B9D2: variants seen among roughly 807,000 people sequenced by gnomAD.
B9D2 encodes the protein B9 domain containing 2, also known as B9 domain-containing protein 2.
Under a neutral mutation model 19.2 loss-of-function variants are expected in B9D2, and 21 were observed. That is an observed-to-expected ratio of 1.09 (90% CI 0.78 to 1.58). The LOEUF (loss-of-function observed/expected upper bound fraction) is 1.58. Ranked by LOEUF, B9D2 falls within the 40% of genes most tolerant of loss-of-function variation. The pLI is 0.00. For missense variants in B9D2, 221 were observed against 244.3 expected, an observed-to-expected ratio of 0.90 and a Z score of 0.64; for synonymous variants, 91 against 100.6, an observed-to-expected ratio of 0.90 and a Z score of 0.57.
chr19:41,361,152 T>G (rs1326032392), intron 2 of B9D2: 2 of 152,158 alleles, frequency 1.3e-5, no homozygotes, highest in African/African-American at 4.8e-5. Flanking sequence ...GCCCAAGCCT[T>G]TCATCCAACT....
intron 2 of B9D2, among the ~76,000 whole-genome samples, chr19:41,362,078 CAA>C (rs940435937): frequency 0.037 from 1,713 of 45,968 alleles, 37 homozygotes; most frequent in African/African-American, 0.12. Context: ...GACTCTGTCT[CAA>C]AAAAAAAAAA....
At position 41,354,477 on chromosome 19, in the gene B9D2, C is replaced by A. The variant is rs1428585275; in HGVS notation, c.*223G>T. The A allele has an allele frequency of 1.4e-5, 9 of 642,454 alleles. No homozygotes were observed. The highest frequency in any genetic ancestry group is 2.5e-5 in the Non-Finnish European group (9 of 363,822). 39.8% of individuals were successfully genotyped at this position (642,454 alleles called of 1,614,324 possible). On this transcript the variant is annotated 3_prime_UTR_variant, in exon 4 of 4. Transcript: ENST00000243578. Reference sequence around the variant, plus strand: ...CATGTGGCTAAGCAGCCTCCTGTCACTCAACACCCTGCGACCCCATACATT... The same window carrying A: ...CATGTGGCTAAGCAGCCTCCTGTCAATCAACACCCTGCGACCCCATACATT...
At chr19:41,363,237 C>G (rs1442407471) in intron 2 of B9D2, among the ~76,000 whole-genome samples, 195 bp downstream of exon 2, 1 of 152,022 alleles carries the variant, frequency 6.6e-6, no homozygotes, top group African/African-American at 2.4e-5. Context: ...AGAGAGAGAC[C>G]CTGTCTGTAT....
rs529500666 is a variant in B9D2, at chr19:41,362,227, CA to C, written c.88+1204del. Among the ~76,000 whole-genome samples the C allele has an allele frequency of 7.3e-3, 912 of 125,338 alleles. 1 individual carries two copies. Among genetic ancestry groups the C allele is most frequent in the Middle Eastern group, 0.013 (3 of 234 alleles). The allele number at this position is 125,338 out of a possible 152,430, so 82.2% of individuals were successfully genotyped here. On this transcript the variant is annotated intron_variant, in intron 2 of 3. Coordinates refer to ENST00000243578, the MANE Select transcript of B9D2 (RefSeq NM_030578.4). ...TGAAACCCCATCTCTACTAAAAATA[CA>C]AAAAAAAAAAAAATAGCCGGGCATG...
chr19:41,362,435 T>A (rs749824472), intron 2 of B9D2, among the ~76,000 whole-genome samples: 53 of 144,020 alleles, frequency 3.7e-4, no homozygotes, highest in Non-Finnish European at 6.5e-4. Context: ...TAATGCCAAA[T>A]GGCCACATCT....
chr19:41,363,586 G>A (rs1250456374), intron 1 of B9D2, 63 bp from the exon 2 acceptor site: 23 of 1,459,986 alleles, frequency 1.6e-5, no homozygotes, highest in Non-Finnish European at 2.1e-5. Context: ...ATTTGACGGG[G>A]GGGAAACTGA....
chr19:41,363,339 G>C (rs1312133774), intron 2 of B9D2, 93 bp downstream of exon 2: 11 of 1,265,902 alleles, frequency 8.7e-6, no homozygotes, highest in Non-Finnish European at 1.1e-5. Flanking sequence ...ATGGAAATGA[G>C]GTTAAGAGTC....
chr19:41,354,722 T>TCGAAGTTG lies in B9D2; in HGVS notation c.498_505dup (p.Asp169AlafsTer46), dbSNP rs1422035669. 6.8e-6 allele frequency: 11 copies of TCGAAGTTG among 1,613,864 alleles called. No individual in the cohort carries two copies. Among genetic ancestry groups the TCGAAGTTG allele is most frequent in the Non-Finnish European group, 1.7e-6 (2 of 1,180,020 alleles). On this transcript the variant is annotated frameshift_variant, in exon 4 of 4. Coordinates refer to ENST00000243578, the MANE Select transcript of B9D2 (RefSeq NM_030578.4). LOFTEE classifies it high-confidence loss of function. ...CCCTCAGCACTCCACGCCGTAGCGGTCGAAGTTGCGGAGCAGCAGGCCGAT... is the reference window on the plus strand; with the variant it reads ...CCCTCAGCACTCCACGCCGTAGCGGTCGAAGTTGCGAAGTTGCGGAGCAGCAGGCCGAT...
At chr19:41,360,794 C>A (rs913213876) in intron 2 of B9D2, among the ~76,000 whole-genome samples, 1 of 152,272 alleles carries the variant, frequency 6.6e-6, no homozygotes, top group East Asian at 1.9e-4. Flanking sequence ...CAGGCATGAG[C>A]CACCGCGCCT....
intron 3 of B9D2, among the ~76,000 whole-genome samples, chr19:41,356,015 C>T (rs908507956): frequency 3.3e-5 from 5 of 151,964 alleles, no homozygotes; most frequent in African/African-American, 1.2e-4. Flanking sequence ...GGAGCCCAGA[C>T]GGAGTGTGCC....
chr19:41,358,241 A>G (rs962436645), intron 2 of B9D2, among the ~76,000 whole-genome samples: 8 of 152,122 alleles, frequency 5.3e-5, no homozygotes, highest in Non-Finnish European at 1.0e-4. Flanking sequence ...CCATCTATAA[A>G]ATGAGCTGAG....
chr19:41,363,811 C>T (rs992899881), intron 1 of B9D2, 147 bp downstream of exon 1: 1 of 544,294 alleles, frequency 1.8e-6, no homozygotes, highest in African/African-American at 1.9e-5. Context: ...GGGGCTATGG[C>T]TCCGCCCACG....
At chr19:41,357,491 C>A (rs1040383918) in intron 3 of B9D2, among the ~76,000 whole-genome samples, 22 of 152,188 alleles carry the variant, frequency 1.4e-4, no homozygotes, top group Non-Finnish European at 7.3e-5. Context: ...GCTCCTCCCC[C>A]AGTACTGATT....
At chr19:41,360,488 T>C (rs2038386749) in intron 2 of B9D2, among the ~76,000 whole-genome samples, 1 of 151,880 alleles carries the variant, frequency 6.6e-6, no homozygotes, top group African/African-American at 2.4e-5. Flanking sequence ...CACTCGTTTA[T>C]CTGTTTATTT....
intron 3 of B9D2, 45 bp downstream of exon 3, chr19:41,357,852 G>GC (rs762649671): frequency 1.9e-6 from 3 of 1,611,774 alleles, no homozygotes; most frequent in Non-Finnish European, 8.5e-7. Flanking sequence ...GAGGCTACTG[G>GC]CCCCCTCCCC....
At position 41,354,612 on chromosome 19, in the gene B9D2, A is replaced by T; in HGVS notation, c.*88T>A. On this transcript the variant is annotated 3_prime_UTR_variant, in exon 4 of 4. Transcript: ENST00000243578. ...GCTGGGGTCAGCTCTGACAGTCTCT[A>T]GAGTCTGTGCTCTTGACCACTGTGC... The T allele has an allele frequency of 6.5e-7, 1 of 1,539,094 alleles. No homozygotes were observed. Among genetic ancestry groups the T allele is most frequent in the Non-Finnish European group, 8.9e-7 (1 of 1,118,698 alleles).
At position 41,354,791 on chromosome 19, in the gene B9D2, C is replaced by T. The variant is rs756283767; in HGVS notation, c.437G>A (p.Arg146His). 8 of 1,613,850 alleles carry T rather than the reference C, an allele frequency of 5.0e-6. No homozygotes were observed. The highest frequency in any genetic ancestry group is 2.2e-5 in the East Asian group (1 of 44,894). ...HGDTIYSGAD[R>H]YRLHTAAGGT... ...ACCAGCAGCTGTGTGCAGGCGATAG[C>T]GGTCGGCCCCACTGTAGATGGTGTC... The change falls in exon 4 of 4, where the codon CGC becomes CAC. Residue 146 changes from arginine to histidine, a missense_variant. Physicochemically the swap from Arg to His is conservative, Grantham distance 29. Coordinates refer to ENST00000243578, the MANE Select transcript of B9D2 (RefSeq NM_030578.4).
chr19:41,359,596 A>T (rs1262412698), intron 2 of B9D2, among the ~76,000 whole-genome samples: 1 of 151,780 alleles, frequency 6.6e-6, no homozygotes, highest in Admixed American at 6.6e-5. Flanking sequence ...CCAGCTACTC[A>T]GGAGGCTGAG....
chr19:41,354,961 G>T lies in B9D2; in HGVS notation c.267C>A (p.Cys89Ter). The change falls in exon 4 of 4, where the codon TGC becomes TGA. Residue 89 changes from cysteine (C) to a stop codon, truncating the protein, a stop_gained. Coordinates refer to ENST00000243578, the MANE Select transcript of B9D2 (RefSeq NM_030578.4). LOFTEE classifies it high-confidence loss of function. ...GGCAAAATCCATAGCCTGCAAGCTG[G>T]CAGCGGCCAAAGCTGTCCTGGGACC... ...QVWSQDSFGR[C>*]QLAGYGFCHV... 1 of 1,611,614 alleles carries T rather than the reference G, an allele frequency of 6.2e-7. No individual in the cohort carries two copies.
Sources: gnomAD v4.1 joint callset for allele counts (sites outside exome capture counted in the v4.1 genomes callset) on GRCh38, gnomAD v4.1.1 for gene constraint, MANE v1.5 for transcripts, NCBI Gene and HGNC (gene_info 2026-07-23, HGNC 2026-07-21) for gene names.